Variants in SUPT20H observed in about 807,000 individuals in gnomAD.
SUPT20H encodes transcription factor SPT20 homolog.
A neutral mutation model predicts 122.8 loss-of-function variants in SUPT20H; 82 were observed. That is an observed-to-expected ratio of 0.67 (90% CI 0.56 to 0.80). The LOEUF (loss-of-function observed/expected upper bound fraction) is 0.80. Among genes scored for constraint, SUPT20H ranks in the 30% least tolerant of loss-of-function variants. The pLI is 0.00. For synonymous variants in SUPT20H, 291 were observed against 313.0 expected (o/e 0.93, Z 0.74); for missense variants, 831 against 921.6 (o/e 0.90, Z 1.27).
chr13:37,019,540 A>C, intron 21 of SUPT20H, 143 bp from the exon 22 acceptor site: 1 of 491,708 alleles, frequency 2.0e-6, no homozygotes, highest in Non-Finnish European at 3.5e-6. Context: ...AAAATATCTT[A>C]AAAACAAAAG....
At chr13:37,051,652 A>G (rs779154030) in intron 1 of SUPT20H, 69 bp from the exon 2 acceptor site, 2 of 490,698 alleles carry the variant, frequency 4.1e-6, no homozygotes, top group Non-Finnish European at 7.3e-6. Context: ...AAGAGATTAC[A>G]TATTTCATAA....
At chr13:37,044,305 CA>C (rs34587536) in intron 6 of SUPT20H, 124 bp from the exon 7 acceptor site, 231,558 of 563,582 alleles carry the variant, frequency 0.41, 50,439 homozygotes, top group Middle Eastern at 0.46. Context: ...AAGCAAGGAT[CA>C]AAAAAAATAA....
chr13:37,025,342 A>C lies in SUPT20H; in HGVS notation c.1307T>G (p.Val436Gly). The change falls in exon 17 of 26, where the codon GTT becomes GGT. Residue 436 changes from valine (V) to glycine (G), a missense_variant. Transcript: ENST00000350612. ...SSSGSASLSQVSPGKETDQTE... is the reference protein window; with the variant it reads ...SSSGSASLSQGSPGKETDQTE... ...CACATCTGTTTCTTTCCCTGGAGAA[A>C]CCTGACTCAGACTGGCTGAGCCACT... is the stretch of plus-strand genomic sequence containing the variant. The C allele has an allele frequency of 1.2e-6, 2 of 1,613,604 alleles. No individual in the cohort carries two copies. Among genetic ancestry groups the C allele is most frequent in the Non-Finnish European group, 8.5e-7 (1 of 1,179,632 alleles).
At chr13:37,052,890 GA>G (rs1216114874) in intron 1 of SUPT20H, among the ~76,000 whole-genome samples, 4 of 152,174 alleles carry the variant, frequency 2.6e-5, no homozygotes, top group Non-Finnish European at 5.9e-5. Context: ...CTTCTCAAAA[GA>G]AGACATTTAT....
intron 24 of SUPT20H, chr13:37,010,863 A>C: frequency 2.2e-6 from 1 of 463,654 alleles, no homozygotes; most frequent in Non-Finnish European, 3.9e-6. Context: ...CTGGACACAA[A>C]AAGAGAAGGG....
At chr13:37,052,046 T>C (rs1261102241) in intron 1 of SUPT20H, among the ~76,000 whole-genome samples, 1 of 151,544 alleles carries the variant, frequency 6.6e-6, no homozygotes, top group Non-Finnish European at 1.5e-5. Context: ...CACAAACAAA[T>C]AGAAAAAAAA....
chr13:37,018,320 G>C (rs377323210), intron 22 of SUPT20H, among the ~76,000 whole-genome samples: 137 of 152,238 alleles, frequency 9.0e-4, no homozygotes, highest in Middle Eastern at 6.8e-3. Flanking sequence ...AATTTCAAAA[G>C]CAATATGCCG....
At position 37,031,775 on chromosome 13, in the gene SUPT20H, A is replaced by C; in HGVS notation, c.828T>G (p.Gly276=). 4.4e-6 allele frequency: 7 copies of C among 1,608,008 alleles called. No individual in the cohort carries two copies. Among genetic ancestry groups the C allele is most frequent in the Non-Finnish European group, 5.1e-6 (6 of 1,178,114 alleles). The change falls in exon 11 of 26, where the codon GGT becomes GGG. Residue 276 remains glycine (G), a synonymous_variant. Coordinates refer to ENST00000350612, the MANE Select transcript of SUPT20H (RefSeq NM_001014286.3). ...FLQKRKERKA[G]QHYDLKISKA... ...TAGAAATTTTGAGGTCATAATGCTG[A>C]CCTGCTTTTCTTTCCTTTCTTTTTT...
chr13:37,048,734 A>G, intron 2 of SUPT20H, 135 bp from the exon 3 acceptor site: 1 of 622,580 alleles, frequency 1.6e-6, no homozygotes, highest in Non-Finnish European at 2.6e-6. Context: ...ACTCCACTCT[A>G]TGATCAATAT....
chr13:37,051,625 C>G, intron 1 of SUPT20H, 42 bp from the exon 2 acceptor site: 3 of 507,686 alleles, frequency 5.9e-6, no homozygotes, highest in Non-Finnish European at 1.0e-5. Context: ...TAACATAAGG[C>G]TATTAAGAGA....
chr13:37,022,048 CAG>C lies in SUPT20H; in HGVS notation c.1622_1623del (p.Ser541CysfsTer4). ...ACTACATTGATGAAGTTAAGTCCAG[CAG>C]AGTTTGCCATGACCTGGGTGGCCGT... ...RTTATQVMAN[S>X]AGLNFINVVG... On this transcript the variant is annotated frameshift_variant, in exon 20 of 26. Transcript: ENST00000350612. LOFTEE classifies it high-confidence loss of function. The surrounding 1 kb of genome is among the most constrained non-coding windows in gnomAD (Gnocchi z 4.5). The C allele has an allele frequency of 6.2e-7, 1 of 1,613,108 alleles. No individual in the cohort carries two copies. The highest frequency in any genetic ancestry group is 8.5e-7 in the Non-Finnish European group (1 of 1,179,428).
At chr13:37,055,482 T>C (rs1227902419) in intron 1 of SUPT20H, among the ~76,000 whole-genome samples, 1 of 152,212 alleles carries the variant, frequency 6.6e-6, no homozygotes, top group Admixed American at 6.5e-5. Flanking sequence ...AACCATCTGA[T>C]CTTTGACAAA....
chr13:37,028,219 A>T lies in SUPT20H; in HGVS notation c.1080T>A (p.Asp360Glu). 1 of 1,613,494 alleles carries T rather than the reference A, an allele frequency of 6.2e-7. No homozygotes were observed. Among genetic ancestry groups the T allele is most frequent in the Non-Finnish European group, 8.5e-7 (1 of 1,179,800 alleles). The change falls in exon 14 of 26, where the codon GAT becomes GAA. Residue 360 changes from aspartate to glutamate, a missense_variant. Transcript: ENST00000350612. ...GCTGTATTTTACCATAGTAAAGTGG[A>T]TCTCCAAGCGACTGCAAGATGGTCA... The part of the protein sequence containing the change: ...TKLTILQSLG[D>E]PLYYGKIQPC...
At chr13:37,025,992 T>A in intron 16 of SUPT20H, 3 of 394,890 alleles carry the variant, frequency 7.6e-6, no homozygotes, top group Non-Finnish European at 1.4e-5. Flanking sequence ...TTTTCTAGAA[T>A]CAGTAAGATT....
At chr13:37,025,193 T>G (rs1016365526) in intron 17 of SUPT20H, 127 bp downstream of exon 17, 4 of 787,122 alleles carry the variant, frequency 5.1e-6, no homozygotes, top group Non-Finnish European at 8.8e-6. Flanking sequence ...CCACCCACCT[T>G]GGCCTCCCAA....
rs2061593346 is a variant in SUPT20H at position 37,022,657 on chromosome 13, A to G, written c.1592-577T>C. On this transcript the variant is annotated intron_variant, in intron 19 of 25. Coordinates refer to ENST00000350612, the MANE Select transcript of SUPT20H (RefSeq NM_001014286.3). This position sits in a 1 kb window ranked among gnomAD's most constrained non-coding sequence, Gnocchi z 4.5. ...CAAAACGAATTCAAATTAATTTGTT[A>G]TTTACGATTTCACTAATTCAAGACT... The G allele has an allele frequency of 9.8e-7, 1 of 1,018,206 alleles. No homozygotes were observed. The highest frequency in any genetic ancestry group is 4.5e-5 in the South Asian group (1 of 22,308). The allele number at this position is 1,018,206 out of a possible 1,614,324, so 63.1% of individuals were successfully genotyped here. A position where few individuals can be genotyped will look rare whatever the true frequency, so the allele number is the denominator to read the frequency against.
At chr13:37,014,458 A>G (rs2060102588) in intron 23 of SUPT20H, among the ~76,000 whole-genome samples, 1 of 152,150 alleles carries the variant, frequency 6.6e-6, no homozygotes, top group African/African-American at 2.4e-5. Flanking sequence ...AGTATTCATC[A>G]AGACAGATCA....
chr13:37,024,657 T>G lies in SUPT20H; in HGVS notation c.1330-215A>C, dbSNP rs9315461. 3.5e-3 allele frequency: 1,120 copies of G among 320,540 alleles called. 11 individuals carry two copies. The highest frequency in any genetic ancestry group is 0.022 in the African/African-American group (1,014 of 46,710). The allele number at this position is 320,540 out of a possible 1,614,324, so 19.9% of individuals were successfully genotyped here. On this transcript the variant is annotated intron_variant, in intron 17 of 25. Transcript: ENST00000350612. ...ATGAGATTCATGAAATATATTACAG[T>G]ACACATAAAGAATGAGGAAAAGATT...
At chr13:37,025,245 A>G in intron 17 of SUPT20H, 75 bp downstream of exon 17, 1 of 1,331,682 alleles carries the variant, frequency 7.5e-7, no homozygotes, top group Non-Finnish European at 1.1e-6. Flanking sequence ...CCTAGCCTCC[A>G]AAAATGATTC....
Sources: gnomAD v4.1 joint callset for allele counts (sites outside exome capture counted in the v4.1 genomes callset) on GRCh38, gnomAD v4.1.1 for gene constraint, Gnocchi (gnomAD v3.1) non-coding constraint, MANE v1.5 for transcripts, NCBI Gene and HGNC (gene_info 2026-07-23, HGNC 2026-07-21) for gene names.